The following CWF19L2 variants were observed in gnomAD, a reference collection of about 807,000 sequenced individuals.
The protein encoded by CWF19L2 is CWF19-like protein 2.
Under a neutral mutation model 111.7 loss-of-function variants are expected in CWF19L2, and 98 were observed. The observed-to-expected ratio is 0.88, with a 90% CI of 0.75 to 1.04. The LOEUF is 1.04. CWF19L2 is among the 50% of genes least tolerant of loss of function. The pLI, the probability that CWF19L2 is intolerant of heterozygous loss-of-function variation, is 0.00. For synonymous variants in CWF19L2, 351 were observed against 342.9 expected, an observed-to-expected ratio of 1.02 and a Z score of -0.26; for missense variants, 1,101 against 1,051.4, an observed-to-expected ratio of 1.05 and a Z score of -0.65.
chr11:107,447,924 T>A (rs1219283428), intron 3 of CWF19L2, among the ~76,000 whole-genome samples: 2 of 151,516 alleles, frequency 1.3e-5, no homozygotes, highest in Non-Finnish European at 2.9e-5. Flanking sequence ...AATGTAAAGA[T>A]AATGAGGAGA....
intron 12 of CWF19L2, among the ~76,000 whole-genome samples, chr11:107,388,192 C>A (rs1860798204): frequency 6.6e-6 from 1 of 152,128 alleles, no homozygotes; most frequent in South Asian, 2.1e-4. Flanking sequence ...GCTTCATTTT[C>A]TACAAAACTA....
At chr11:107,409,096 A>T (rs367997694) in intron 10 of CWF19L2, among the ~76,000 whole-genome samples, 1 of 125,032 alleles carries the variant, frequency 8.0e-6, no homozygotes, top group African/African-American at 3.0e-5. Context: ...CTAAAACATT[A>T]AAAAAAAAAA....
At chr11:107,339,208 G>A (rs1160814169) in intron 14 of CWF19L2, among the ~76,000 whole-genome samples, 2 of 152,122 alleles carry the variant, frequency 1.3e-5, no homozygotes, top group African/African-American at 2.4e-5. Flanking sequence ...TGATATGGAT[G>A]TGCCCAGTAT....
intron 3 of CWF19L2, among the ~76,000 whole-genome samples, chr11:107,448,812 C>G (rs1861738349): frequency 6.6e-6 from 1 of 152,168 alleles, no homozygotes; most frequent in Admixed American, 6.5e-5. Flanking sequence ...ACTGAACCCT[C>G]ATCAGACACA....
chr11:107,348,081 T>G (rs1860107250), intron 14 of CWF19L2, among the ~76,000 whole-genome samples: 1 of 152,110 alleles, frequency 6.6e-6, no homozygotes, highest in African/African-American at 2.4e-5. Flanking sequence ...GCAGATGCAA[T>G]AAAACAATCT....
chr11:107,419,426 T>G (rs1861273108), intron 8 of CWF19L2, among the ~76,000 whole-genome samples: 1 of 152,180 alleles, frequency 6.6e-6, no homozygotes, highest in Non-Finnish European at 1.5e-5. Context: ...TCTGTAAAAC[T>G]TAGTATCTAA....
At chr11:107,429,863 A>G (rs551444661) in intron 7 of CWF19L2, among the ~76,000 whole-genome samples, 1 of 151,554 alleles carries the variant, frequency 6.6e-6, no homozygotes, top group Non-Finnish European at 1.5e-5. Context: ...GAAATAAAAA[A>G]TTGTGTGTCC....
intron 10 of CWF19L2, among the ~76,000 whole-genome samples, chr11:107,396,097 A>T (rs926554914): frequency 1.3e-5 from 2 of 152,222 alleles, no homozygotes; most frequent in African/African-American, 4.8e-5. Context: ...CGCAAGACAG[A>T]GTGCATCTAA....
rs141724743 is a variant in CWF19L2, at chr11:107,421,755, T to G, written c.1434-3468A>C. Among the ~76,000 whole-genome samples, 17 of 152,246 alleles carry G rather than the reference T, an allele frequency of 1.1e-4. No homozygotes were observed. In the East Asian group the frequency reaches 3.3e-3, roughly 29 times the overall value. On this transcript the variant is annotated intron_variant, in intron 8 of 17. Transcript: ENST00000282251. ...AACTGAAACTCTTATACACTGTTGGTGATCATGTAAAATGGTACAATCACT... is the reference window on the plus strand; with the variant it reads ...AACTGAAACTCTTATACACTGTTGGGGATCATGTAAAATGGTACAATCACT...
At chr11:107,416,167 T>G in intron 10 of CWF19L2, 42 bp downstream of exon 10, 1 of 578,526 alleles carries the variant, frequency 1.7e-6, no homozygotes, top group East Asian at 3.5e-5. Context: ...CCGGTGGTAG[T>G]TTACACAAGG....
chr11:107,330,636 C>A (rs866766636), intron 16 of CWF19L2, among the ~76,000 whole-genome samples: 1,653 of 134,682 alleles, frequency 0.012, 22 homozygotes, highest in Middle Eastern at 0.036. Flanking sequence ...CTACACACAC[C>A]CCCCCCACCA....
Position 107,416,263 on chromosome 11 carries a change from CT to C in CWF19L2, c.1562del (p.Lys521ArgfsTer9). 1.3e-6 allele frequency: 2 copies of C among 1,486,814 alleles called. No homozygotes were observed. The highest frequency in any genetic ancestry group is 2.7e-5 in the East Asian group (1 of 37,384). The allele number at this position is 1,486,814 out of a possible 1,614,324, so 92.1% of individuals were successfully genotyped here. A position where few individuals can be genotyped will look rare whatever the true frequency, so the allele number is the denominator to read the frequency against. On this transcript the variant is annotated frameshift_variant, in exon 10 of 18. Coordinates refer to ENST00000282251, the MANE Select transcript of CWF19L2 (RefSeq NM_152434.3). LOFTEE classifies it high-confidence loss of function. ...TTATAGTTTCTTTGAATTTATTTGC[CT>C]TTTCAAGTTGAACTTTAAGTTGTTC... ...LAEQLKVQLE[K>X]ANKFKETITQ...
intron 8 of CWF19L2, among the ~76,000 whole-genome samples, chr11:107,426,154 T>C (rs649331): frequency 0.17 from 26,087 of 151,304 alleles, 2,383 homozygotes; most frequent in Middle Eastern, 0.26. Context: ...ACATGACAAA[T>C]ATAAAGAGCT....
intron 10 of CWF19L2, among the ~76,000 whole-genome samples, chr11:107,412,773 G>A (rs1861175989): frequency 6.6e-6 from 1 of 152,148 alleles, no homozygotes; most frequent in Admixed American, 6.6e-5. Flanking sequence ...AGTAAAATGT[G>A]GCACCTACAG....
chr11:107,372,707 G>C (rs1860529875), intron 12 of CWF19L2, among the ~76,000 whole-genome samples: 1 of 135,920 alleles, frequency 7.4e-6, no homozygotes, highest in Admixed American at 7.2e-5. Context: ...AGGAATGCTA[G>C]AAAACTAGTT....
intron 13 of CWF19L2, among the ~76,000 whole-genome samples, chr11:107,350,033 G>T (rs1176597727): frequency 6.6e-6 from 1 of 152,024 alleles, no homozygotes; most frequent in Non-Finnish European, 1.5e-5. Context: ...ATTTTTAAAA[G>T]CATTATAAAC....
chr11:107,417,781 C>T (rs1861248257), intron 9 of CWF19L2, among the ~76,000 whole-genome samples: 1 of 148,776 alleles, frequency 6.7e-6, no homozygotes, highest in African/African-American at 2.5e-5. Flanking sequence ...TTTTGAGACA[C>T]AGTCTCGCTT....
In CWF19L2 at chr11:107,335,962, C is replaced by T. The variant is rs186443642; in HGVS notation, c.2358+596G>A. ...GTAGGCCAGGTGCAGTGGCTCACGC[C>T]TATAATTCCAGCACTTTGGGAGGCT... is the stretch of plus-strand genomic sequence containing the variant. On this transcript the variant is annotated intron_variant, in intron 15 of 17. Transcript: ENST00000282251. Among the ~76,000 whole-genome samples the T allele has an allele frequency of 8.5e-5, 13 of 152,206 alleles. No homozygotes were observed. In the East Asian group the frequency reaches 2.0e-3, roughly 23 times the overall value.
At chr11:107,385,600 C>A (rs373676483) in intron 12 of CWF19L2, among the ~76,000 whole-genome samples, 1 of 152,154 alleles carries the variant, frequency 6.6e-6, no homozygotes, top group African/African-American at 2.4e-5. Context: ...AATACAGTAA[C>A]CCCCCTTTAC....
Sources: allele counts gnomAD v4.1 joint callset (sites outside exome capture counted in the v4.1 genomes callset), GRCh38; gene constraint gnomAD v4.1.1; transcripts MANE v1.5; gene names NCBI Gene and HGNC (gene_info 2026-07-23, HGNC 2026-07-21).